SCML4: variants seen among roughly 807,000 people sequenced by gnomAD.
SCML4 encodes sex comb on midleg-like protein 4.
SCML4 carries 34 observed loss-of-function variants against 41.1 expected under a neutral mutation model. The ratio of observed to expected loss-of-function variants is 0.83; its 90% CI spans 0.63 to 1.10. SCML4 has a LOEUF of 1.10. Among genes scored for constraint, SCML4 ranks in the 50% least tolerant of loss-of-function variants. The pLI is 0.00. For missense variants in SCML4, 522 were observed against 534.1 expected (o/e 0.98, Z 0.22); for synonymous variants, 214 against 220.9 (o/e 0.97, Z 0.28).
chr6:107,839,668 G>A, the SCML4 span, among the ~76,000 whole-genome samples: 1 of 152,028 alleles, frequency 6.6e-6, no homozygotes, highest in Non-Finnish European at 1.5e-5. Flanking sequence ...TAAAAAATGT[G>A]GAAGACACAA....
intron 6 of SCML4, among the ~76,000 whole-genome samples, chr6:107,708,356 A>T (rs2493445): frequency 2.0e-5 from 3 of 151,890 alleles, no homozygotes; most frequent in Non-Finnish European, 4.4e-5. Flanking sequence ...CTTTCTCGGC[A>T]GGCCCAGGGC....
At chr6:107,708,205 G>A (rs956422592) in intron 6 of SCML4, among the ~76,000 whole-genome samples, 194 bp from the exon 7 acceptor site, 2 of 152,264 alleles carry the variant, frequency 1.3e-5, no homozygotes, top group East Asian at 1.9e-4. Context: ...AGTGCAGAAG[G>A]CCACTCCTAG....
At chr6:107,773,019 G>A (rs1397940400) in intron 1 of SCML4, among the ~76,000 whole-genome samples, 4 of 152,034 alleles carry the variant, frequency 2.6e-5, no homozygotes, top group African/African-American at 9.7e-5. Flanking sequence ...ATAAGCAATA[G>A]GAGAATACTT....
In SCML4 at chr6:107,749,647, G is replaced by A. The variant is rs146259790; in HGVS notation, c.286+37C>T. 186 of 1,611,022 alleles carry A rather than the reference G, an allele frequency of 1.2e-4. No individual in the cohort carries two copies. In the East Asian group the frequency reaches 3.9e-3, roughly 34 times the overall value. On this transcript the variant is annotated intron_variant, in intron 3 of 7. Coordinates refer to ENST00000369020, the MANE Select transcript of SCML4 (RefSeq NM_198081.5). ...GATGGTAGCTGCCCTGTTCTCTACA[G>A]ACCATCACAGCCTTGGAGTTCATTC...
chr6:107,728,724 A>G (rs191485412), intron 5 of SCML4, among the ~76,000 whole-genome samples: 122 of 152,362 alleles, frequency 8.0e-4, no homozygotes, highest in African/African-American at 2.8e-3. Flanking sequence ...AAGGGAAAAT[A>G]GGCTTCGGAG....
chr6:107,808,591 A>G (rs1376274649), intron 1 of SCML4, among the ~76,000 whole-genome samples: 2 of 152,146 alleles, frequency 1.3e-5, no homozygotes, highest in East Asian at 3.9e-4. Context: ...GTCTTGAAGG[A>G]CATACAGAAC....
At chr6:107,814,468 G>A (rs909641266) in intron 1 of SCML4, among the ~76,000 whole-genome samples, 8 of 152,216 alleles carry the variant, frequency 5.3e-5, no homozygotes, top group Admixed American at 6.5e-5. Context: ...TACCCACAAT[G>A]TCTGCAACAT....
chr6:107,774,214 A>G (rs1224422331), intron 1 of SCML4, among the ~76,000 whole-genome samples: 1 of 152,162 alleles, frequency 6.6e-6, no homozygotes, highest in African/African-American at 2.4e-5. Flanking sequence ...ACTCGGTCTC[A>G]TTGATTCTAA....
the SCML4 span, among the ~76,000 whole-genome samples, chr6:107,839,674 C>T: frequency 6.6e-6 from 1 of 152,126 alleles, no homozygotes; most frequent in East Asian, 1.9e-4. Flanking sequence ...ATGTGGAAGA[C>T]ACAAAAAAGT....
At chr6:107,751,594 C>A (rs1243920734) in intron 2 of SCML4, among the ~76,000 whole-genome samples, 1 of 136,156 alleles carries the variant, frequency 7.3e-6, no homozygotes, top group African/African-American at 2.8e-5. Context: ...TTCTTTCTTT[C>A]TTTCTTTCTT....
chr6:107,832,062 CAA>C, the SCML4 span, among the ~76,000 whole-genome samples: 5 of 133,808 alleles, frequency 3.7e-5, no homozygotes, highest in African/African-American at 5.7e-5. Context: ...GACTCTGTCT[CAA>C]AAAAAAAAAA....
intron 5 of SCML4, among the ~76,000 whole-genome samples, chr6:107,730,387 C>T (rs1416650340): frequency 1.3e-5 from 2 of 152,196 alleles, no homozygotes; most frequent in Admixed American, 6.5e-5. Flanking sequence ...CTGAAAGAAG[C>T]TGTCTTGTCA....
At position 107,772,179 on chromosome 6, in the gene SCML4, C is replaced by T; in HGVS notation, c.149G>A (p.Gly50Glu). 6 of 1,549,988 alleles carry T rather than the reference C, an allele frequency of 3.9e-6. No individual in the cohort carries two copies. In the South Asian group the frequency reaches 7.2e-5, roughly 18 times the overall value. Residue 50 changes from glycine (G) to glutamate (E), a missense_variant, in exon 2 of 8, where the codon GGG becomes GAG. Physicochemically the swap from Gly to Glu is moderately conservative, Grantham distance 98. Transcript: ENST00000369020. ...KIPKKRGRKP[G>E]YKIKSRVLMT... ...GAGATGATGGAGCCGTACCTTGTACCCGGGTTTCCGCCCTCTTTTCTTTGG... is the reference window on the plus strand; with the variant it reads ...GAGATGATGGAGCCGTACCTTGTACTCGGGTTTCCGCCCTCTTTTCTTTGG...
chr6:107,811,643 T>C (rs1326606744), intron 1 of SCML4, among the ~76,000 whole-genome samples: 2 of 152,200 alleles, frequency 1.3e-5, no homozygotes, highest in Non-Finnish European at 2.9e-5. Context: ...TTCCCCTCAA[T>C]GATTTTCTGT....
chr6:107,812,399 C>T (rs1784220769), intron 1 of SCML4, among the ~76,000 whole-genome samples: 1 of 152,156 alleles, frequency 6.6e-6, no homozygotes, highest in Non-Finnish European at 1.5e-5. Context: ...TGGGGTGCCA[C>T]CTTTGTGATA....
intron 5 of SCML4, among the ~76,000 whole-genome samples, chr6:107,735,469 T>C (rs1490512220): frequency 1.3e-5 from 2 of 152,020 alleles, no homozygotes; most frequent in Non-Finnish European, 2.9e-5. Flanking sequence ...TGTTTTTTTT[T>C]CTTCAAGTTT....
chr6:107,803,580 T>C (rs1464273362), intron 1 of SCML4, among the ~76,000 whole-genome samples: 2 of 146,722 alleles, frequency 1.4e-5, no homozygotes, highest in Non-Finnish European at 3.0e-5. Flanking sequence ...CGGGCCATGA[T>C]GACAATGGCG....
chr6:107,840,690 A>G, the SCML4 span, among the ~76,000 whole-genome samples: 5 of 152,208 alleles, frequency 3.3e-5, no homozygotes, highest in Admixed American at 3.3e-4. Context: ...GGGACAGGGA[A>G]TGTCAGAAAT....
rs77661080 is a variant in SCML4 at position 107,753,703 on chromosome 6, A to G, written c.157-3890T>C. Among the ~76,000 whole-genome samples, 603 of 152,322 alleles carry G rather than the reference A, an allele frequency of 4.0e-3. 4 individuals carry two copies. Among genetic ancestry groups the G allele is most frequent in the African/African-American group, 0.014 (573 of 41,566 alleles). ...TTTTGTTTTTGAGATGGGAGAAAAA[A>G]TAGTGTTTTAATGCTGATTAAAATA... On this transcript the variant is annotated intron_variant, in intron 2 of 7. Transcript: ENST00000369020.
Sources: gnomAD v4.1 joint callset for allele counts (sites outside exome capture counted in the v4.1 genomes callset) on GRCh38, gnomAD v4.1.1 for gene constraint, MANE v1.5 for transcripts, NCBI Gene and HGNC (gene_info 2026-07-23, HGNC 2026-07-21) for gene names.